HOMER1: variants seen among roughly 807,000 people sequenced by gnomAD.
The protein encoded by HOMER1 is homer protein homolog 1.
HOMER1 carries 3 observed loss-of-function variants against 48.9 expected under a neutral mutation model. The observed-to-expected ratio is 0.06, with a 90% confidence interval of 0.03 to 0.16. HOMER1 has a LOEUF of 0.16. Among genes scored for constraint, HOMER1 ranks in the 10% least tolerant of loss-of-function variants. The pLI, the probability that HOMER1 is intolerant of heterozygous loss-of-function variation, is 1.00. For synonymous variants in HOMER1, 134 were observed against 146.4 expected (o/e 0.92, Z 0.61); for missense variants, 247 against 411.4 (o/e 0.60, Z 3.46).
At chr5:79,455,909 C>T (rs1049584104) in intron 2 of HOMER1, among the ~76,000 whole-genome samples, 1 of 152,184 alleles carries the variant, frequency 6.6e-6, no homozygotes, top group African/African-American at 2.4e-5. Flanking sequence ...GTAATCCCAG[C>T]ACTTTGGGAG....
chr5:79,379,432 A>AT (rs1296977603), intron 8 of HOMER1, among the ~76,000 whole-genome samples: 1 of 114,972 alleles, frequency 8.7e-6, no homozygotes, highest in Non-Finnish European at 1.7e-5. Flanking sequence ...TATATTATAT[A>AT]TTTATTATAT....
At chr5:79,485,007 TCTTTTCC>T (rs1752057665) in intron 1 of HOMER1, among the ~76,000 whole-genome samples, 1 of 152,184 alleles carries the variant, frequency 6.6e-6, no homozygotes, top group African/African-American at 2.4e-5. Context: ...AAGTCTATTC[TCTTTTCC>T]CTGCCCAGTC....
intron 1 of HOMER1, among the ~76,000 whole-genome samples, chr5:79,505,935 C>G (rs1017719236): frequency 2.6e-5 from 4 of 152,030 alleles, no homozygotes; most frequent in Non-Finnish European, 5.9e-5. Context: ...TACGCAAGAG[C>G]CATACTGGCT....
At position 79,450,923 on chromosome 5, in the gene HOMER1, T is replaced by C. The variant is rs762013478; in HGVS notation, c.294+67A>G. 30 of 1,448,458 alleles carry C rather than the reference T, an allele frequency of 2.1e-5. No homozygotes were observed. In the Admixed American group the frequency reaches 2.8e-4, roughly 14 times the overall value. The allele number at this position is 1,448,458 out of a possible 1,614,324, so 89.7% of individuals were successfully genotyped here. A position where few individuals can be genotyped will look rare whatever the true frequency, so the allele number is the denominator to read the frequency against. On this transcript the variant is annotated intron_variant, in intron 3 of 8. Coordinates refer to ENST00000334082, the MANE Select transcript of HOMER1 (RefSeq NM_004272.5). ...CCTATATTTTATACTCTCCATTTGG[T>C]ATTATATATTTAAGATATACGACTT...
chr5:79,389,483 G>A (rs182778675), intron 8 of HOMER1, among the ~76,000 whole-genome samples: 1 of 152,266 alleles, frequency 6.6e-6, no homozygotes, highest in East Asian at 1.9e-4. Context: ...TTAAGAAGTG[G>A]AGCCTTTAAG....
At chr5:79,477,173 TATATC>T (rs1224600897) in intron 1 of HOMER1, among the ~76,000 whole-genome samples, 1 of 152,180 alleles carries the variant, frequency 6.6e-6, no homozygotes, top group African/African-American at 2.4e-5. Flanking sequence ...AAACAATAGA[TATATC>T]ATAGCATCAT....
chr5:79,377,768 G>A (rs1366404297), intron 8 of HOMER1, among the ~76,000 whole-genome samples: 1 of 152,144 alleles, frequency 6.6e-6, no homozygotes, highest in African/African-American at 2.4e-5. Context: ...AAATTCGTAT[G>A]CATGAGGACA....
At chr5:79,482,267 A>C (rs1751970817) in intron 1 of HOMER1, among the ~76,000 whole-genome samples, 1 of 152,134 alleles carries the variant, frequency 6.6e-6, no homozygotes, top group African/African-American at 2.4e-5. Context: ...CAATAAGATA[A>C]AATCCTAAAT....
chr5:79,488,005 C>T (rs1208184648), intron 1 of HOMER1, among the ~76,000 whole-genome samples: 1 of 152,124 alleles, frequency 6.6e-6, no homozygotes, highest in Non-Finnish European at 1.5e-5. Flanking sequence ...ATACAATCCT[C>T]CTTAGGTTTT....
chr5:79,486,925 T>C (rs765989652), intron 1 of HOMER1, among the ~76,000 whole-genome samples: 2 of 152,108 alleles, frequency 1.3e-5, no homozygotes, highest in Non-Finnish European at 2.9e-5. Context: ...GCAATAACAT[T>C]TGACAGCAAA....
chr5:79,427,162 T>C (rs1446079199), intron 5 of HOMER1, among the ~76,000 whole-genome samples: 3 of 152,210 alleles, frequency 2.0e-5, no homozygotes, highest in Admixed American at 6.5e-5. Context: ...AAACAAGTAT[T>C]GACCATATAA....
At chr5:79,416,383 G>A (rs1234836632) in intron 5 of HOMER1, among the ~76,000 whole-genome samples, 1 of 152,162 alleles carries the variant, frequency 6.6e-6, no homozygotes, top group African/African-American at 2.4e-5. Flanking sequence ...GGGGAGAAGG[G>A]AATCTATGTT....
intron 1 of HOMER1, among the ~76,000 whole-genome samples, chr5:79,472,812 C>T (rs1751660605): frequency 6.6e-6 from 1 of 151,950 alleles, no homozygotes; most frequent in South Asian, 2.1e-4. Context: ...AAAAAAATTA[C>T]AGCCCTAGTG....
At chr5:79,441,314 G>GTT (rs1750729187) in intron 4 of HOMER1, among the ~76,000 whole-genome samples, 1 of 152,172 alleles carries the variant, frequency 6.6e-6, no homozygotes, top group African/African-American at 2.4e-5. Flanking sequence ...AGCAGTAGCA[G>GTT]TTTGACTCAT....
intron 2 of HOMER1, among the ~76,000 whole-genome samples, chr5:79,456,530 T>A (rs946837020): frequency 6.6e-6 from 1 of 152,228 alleles, no homozygotes; most frequent in Non-Finnish European, 1.5e-5. Context: ...TTAGAGCTCC[T>A]AGAATTCTAG....
intron 8 of HOMER1, among the ~76,000 whole-genome samples, chr5:79,379,114 A>ATATATAAATTAT (rs70975748): frequency 4.9e-5 from 4 of 82,290 alleles, no homozygotes; most frequent in Non-Finnish European, 9.1e-5. Flanking sequence ...ATATATATAT[A>ATATATAAATTAT]AAATATATAA....
rs573873203 is a variant in HOMER1 at position 79,493,603 on chromosome 5, A to C, written c.5+19167T>G. 8.5e-5 allele frequency among the ~76,000 whole-genome samples: 13 copies of C among 152,274 alleles called. No individual in the cohort carries two copies. The South Asian group carries it at 1.0e-3, about 12-fold the overall frequency. ...CCCTCAGTCTCCTTCTTTAACCTAC[A>C]AACTATTCATATCCTTTCCTTCGGT... On this transcript the variant is annotated intron_variant, in intron 1 of 8. Transcript: ENST00000334082.
Position 79,402,167 on chromosome 5 carries a change from T to C in HOMER1, c.528-112A>G, listed in dbSNP as rs953253879. The C allele has an allele frequency of 2.9e-5, 26 of 907,720 alleles. No homozygotes were observed. The South Asian group carries it at 3.5e-4, about 12-fold the overall frequency. The allele number at this position is 907,720 out of a possible 1,614,324, so 56.2% of individuals were successfully genotyped here. On this transcript the variant is annotated intron_variant, in intron 5 of 8. Transcript: ENST00000334082. ...TTTATAGTCTAAGAATGTTTTCTTT[T>C]CTTTTTTTTTTTTTTTGAGATGGAG...
chr5:79,413,066 A>G (rs1449596809), intron 5 of HOMER1, among the ~76,000 whole-genome samples: 3 of 152,232 alleles, frequency 2.0e-5, no homozygotes, highest in Non-Finnish European at 4.4e-5. Flanking sequence ...CAGTGAACTT[A>G]AAGCTTAATC....
Sources: allele counts gnomAD v4.1 joint callset (sites outside exome capture counted in the v4.1 genomes callset), GRCh38; gene constraint gnomAD v4.1.1; transcripts MANE v1.5; gene names NCBI Gene and HGNC (gene_info 2026-07-23, HGNC 2026-07-21).